Variants in COG7 observed in about 807,000 individuals in gnomAD.
COG7 encodes the protein conserved oligomeric Golgi complex subunit 7.
Under a neutral mutation model 91.5 loss-of-function variants are expected in COG7, and 49 were observed. The observed-to-expected ratio is 0.54, with a 90% CI of 0.43 to 0.68. The LOEUF (loss-of-function observed/expected upper bound fraction) is 0.68. Ranked by LOEUF, COG7 falls within the 30% of genes least tolerant of loss-of-function variation. The pLI is 0.00. For synonymous variants in COG7, 365 were observed against 388.7 expected, an observed-to-expected ratio of 0.94 and a Z score of 0.72; for missense variants, 895 against 961.3, an observed-to-expected ratio of 0.93 and a Z score of 0.91.
intron 4 of COG7, among the ~76,000 whole-genome samples, chr16:23,435,870 G>A (rs75117062): frequency 0.024 from 3,710 of 152,248 alleles, 89 homozygotes; most frequent in African/African-American, 0.063. Flanking sequence ...GTTAGAAAAC[G>A]AATATTTGCC....
At chr16:23,444,221 C>G (rs1964147605) in intron 3 of COG7, among the ~76,000 whole-genome samples, 1 of 151,616 alleles carries the variant, frequency 6.6e-6, no homozygotes, top group Non-Finnish European at 1.5e-5. Context: ...CAGTTTATTC[C>G]TGTGTAATAA....
At chr16:23,423,955 GT>G (rs1025220900) in intron 7 of COG7, among the ~76,000 whole-genome samples, 1 of 152,190 alleles carries the variant, frequency 6.6e-6, no homozygotes, top group Non-Finnish European at 1.5e-5. Context: ...ACAACCACCT[GT>G]AGTCCTAACA....
At chr16:23,433,796 C>T (rs1963971259) in intron 5 of COG7, 129 bp from the exon 6 acceptor site, 1 of 953,542 alleles carries the variant, frequency 1.0e-6, no homozygotes, top group Non-Finnish European at 1.6e-6. Context: ...CCAGTGAGGT[C>T]CATTCACTTC....
At chr16:23,398,470 T>G (rs1290305346) in intron 13 of COG7, among the ~76,000 whole-genome samples, 1 of 152,144 alleles carries the variant, frequency 6.6e-6, no homozygotes, top group Non-Finnish European at 1.5e-5. Flanking sequence ...TTGGTCCAAG[T>G]TTCTCTGCGT....
At chr16:23,396,843 G>A (rs1043189848) in intron 14 of COG7, among the ~76,000 whole-genome samples, 4 of 152,130 alleles carry the variant, frequency 2.6e-5, no homozygotes, top group Admixed American at 1.3e-4. Flanking sequence ...AGAGAGCAGA[G>A]AGCCAGCCAC....
intron 9 of COG7, chr16:23,416,447 G>A (rs1335184857): frequency 5.4e-6 from 1 of 184,492 alleles, no homozygotes; most frequent in East Asian, 1.4e-4. Flanking sequence ...CGATGGCAAT[G>A]CCAGGGAGCT....
chr16:23,408,118 GAT>G (rs1303128369), intron 11 of COG7, among the ~76,000 whole-genome samples: 1 of 67,036 alleles, frequency 1.5e-5, no homozygotes, highest in African/African-American at 6.9e-5. Context: ...TGGGGCGAGA[GAT>G]AGGGGCGAGT....
chr16:23,402,342 T>C (rs569458867), intron 13 of COG7, among the ~76,000 whole-genome samples: 1 of 138,474 alleles, frequency 7.2e-6, no homozygotes. Context: ...AGGTATTTAT[T>C]AGATTTTTTT....
chr16:23,409,845 G>A (rs896692015), intron 11 of COG7, among the ~76,000 whole-genome samples: 5 of 152,082 alleles, frequency 3.3e-5, no homozygotes, highest in African/African-American at 1.2e-4. Flanking sequence ...TCAGCAGCAC[G>A]GAATTTGACT....
rs781527664 is a variant in COG7 at position 23,413,526 on chromosome 16, C to A, written c.1331G>T (p.Arg444Leu). The A allele has an allele frequency of 6.2e-7, 1 of 1,611,874 alleles. No individual in the cohort carries two copies. Among genetic ancestry groups the A allele is most frequent in the Non-Finnish European group, 8.5e-7 (1 of 1,178,004 alleles). Residue 444 changes from arginine (R) to leucine (L), a missense_variant, in exon 10 of 17, where the codon CGA becomes CTA. Arg to Leu is a moderately radical substitution (Grantham distance 102). Coordinates refer to ENST00000307149, the MANE Select transcript of COG7 (RefSeq NM_153603.4). ...AATGTGGTCCAGTTTGCACTTCTTT[C>A]GTATGGACTGGAGAGTGCTGGTGAA... ...SDFTSTLQSI[R>L]KKCKLDHIPP...
chr16:23,452,875 C>T lies in COG7; in HGVS notation c.120G>A (p.Leu40=), dbSNP rs770802986. The T allele has an allele frequency of 3.7e-6, 6 of 1,613,866 alleles. No homozygotes were observed. Among genetic ancestry groups the T allele is most frequent in the African/African-American group, 2.7e-5 (2 of 74,948 alleles). The change falls in exon 1 of 17, where the codon CTG becomes CTA. Residue 40 remains leucine, a synonymous_variant. Coordinates refer to ENST00000307149, the MANE Select transcript of COG7 (RefSeq NM_153603.4). The part of the protein sequence containing the change: ...SGKADGHAAT[L]VMKLQLFIQE... ...GGATGAACAGCTGCAGCTTCATCAC[C>T]AGGGTGGCTGCGTGGCCATCCGCCT... is the stretch of plus-strand genomic sequence containing the variant.
chr16:23,448,780 C>G (rs1283444610), intron 1 of COG7, among the ~76,000 whole-genome samples: 1 of 152,134 alleles, frequency 6.6e-6, no homozygotes, highest in Non-Finnish European at 1.5e-5. Flanking sequence ...AGTCCAGGCT[C>G]TCCATTCATT....
At chr16:23,421,841 A>G (rs571930474) in intron 7 of COG7, among the ~76,000 whole-genome samples, 26 of 142,452 alleles carry the variant, frequency 1.8e-4, no homozygotes, top group Non-Finnish European at 1.5e-5. Flanking sequence ...ACAGAGTGAG[A>G]CTCCATCTCA....
intron 1 of COG7, chr16:23,452,601 C>A: frequency 1.6e-6 from 1 of 607,684 alleles, no homozygotes; most frequent in Non-Finnish European, 2.1e-6. Flanking sequence ...TATAGCCCAG[C>A]CAGAGGAGGA....
At chr16:23,395,300 G>A (rs1480805406) in intron 14 of COG7, among the ~76,000 whole-genome samples, 1 of 152,150 alleles carries the variant, frequency 6.6e-6, no homozygotes, top group Non-Finnish European at 1.5e-5. Flanking sequence ...AGAGAAGGAT[G>A]CTGATTTCTG....
chr16:23,450,951 T>TG (rs918905769), intron 1 of COG7, among the ~76,000 whole-genome samples: 2 of 152,164 alleles, frequency 1.3e-5, no homozygotes, highest in African/African-American at 4.8e-5. Flanking sequence ...CCCAGCACTT[T>TG]GGGAGGCCGA....
chr16:23,446,031 C>T, intron 1 of COG7, 70 bp from the exon 2 acceptor site: 5 of 1,547,844 alleles, frequency 3.2e-6, no homozygotes, highest in Non-Finnish European at 4.4e-6. Context: ...TTGGACCAGC[C>T]ACCAGTAAAA....
Position 23,452,816 on chromosome 16 carries a change from A to T in COG7, c.169+10T>A. On this transcript the variant is annotated intron_variant, in intron 1 of 16. Coordinates refer to ENST00000307149, the MANE Select transcript of COG7 (RefSeq NM_153603.4). Reference sequence around the variant, plus strand: ...GGAGGGTCCCGCGGCCAGGGCCCCGAGCGGCTCACCCTCCACGGCGTGGTT... The same window carrying T: ...GGAGGGTCCCGCGGCCAGGGCCCCGTGCGGCTCACCCTCCACGGCGTGGTT... The T allele has an allele frequency of 6.2e-7, 1 of 1,609,152 alleles. No homozygotes were observed. Among genetic ancestry groups the T allele is most frequent in the South Asian group, 1.1e-5 (1 of 90,424 alleles).
At position 23,424,813 on chromosome 16, in the gene COG7, C is replaced by T; in HGVS notation, c.945G>A (p.Leu315=). 6.2e-7 allele frequency: 1 copy of T among 1,614,232 alleles called. No homozygotes were observed. The highest frequency in any genetic ancestry group is 1.1e-5 in the South Asian group (1 of 91,084). The stretch of plus-strand genomic sequence containing the variant: ...AGTGGGCGGTGGCGTCGTAGAACTC[C>T]AGCAGCCTGGTGAGCTCCTGCTCGG... The part of the protein sequence containing the change: ...AGPEQELTRL[L]EFYDATAHFA... Residue 315 remains leucine (L), a synonymous_variant, in exon 7 of 17, where the codon CTG becomes CTA. Coordinates refer to ENST00000307149, the MANE Select transcript of COG7 (RefSeq NM_153603.4).
Sources: gnomAD v4.1 joint callset for allele counts (sites outside exome capture counted in the v4.1 genomes callset) on GRCh38, gnomAD v4.1.1 for gene constraint, MANE v1.5 for transcripts, NCBI Gene and HGNC (gene_info 2026-07-23, HGNC 2026-07-21) for gene names.